VMAC: variants seen among roughly 807,000 people sequenced by gnomAD.
The protein encoded by VMAC is vimentin type intermediate filament associated coiled-coil protein.
Under a neutral mutation model 4.8 loss-of-function variants are expected in VMAC, and 8 were observed. The ratio of observed to expected loss-of-function variants is 1.68; its 90% CI spans 0.99 to 3.03. The LOEUF is 3.03. VMAC is among the 30% of genes most tolerant of loss of function. VMAC has a pLI of 0.00. For synonymous variants in VMAC, 96 were observed against 113.7 expected (o/e 0.84, Z 0.99); for missense variants, 248 against 245.1 (o/e 1.01, Z -0.08).
chr19:5,907,942 C>T (rs1351056671), intron 1 of VMAC, among the ~76,000 whole-genome samples: 1 of 152,164 alleles, frequency 6.6e-6, no homozygotes. Context: ...AATTACACCT[C>T]TTTATAAATC....
At position 5,909,144 on chromosome 19, in the gene VMAC, C is replaced by T; in HGVS notation, c.*2C>T. On this transcript the variant is annotated 3_prime_UTR_variant, in exon 2 of 2. Coordinates refer to ENST00000339485, the MANE Select transcript of VMAC (RefSeq NM_001017921.4). ...GCAGTGTTTGGGACCACAGTGTGAG[C>T]CCGGAATGCAGATTACAGAATGGAG... 3.3e-6 allele frequency: 5 copies of T among 1,534,132 alleles called. No homozygotes were observed. Among genetic ancestry groups the T allele is most frequent in the Non-Finnish European group, 4.4e-6 (5 of 1,147,268 alleles).
rs369149649 is a variant in VMAC at position 5,905,096 on chromosome 19, C to T, written c.191+15C>T. 1.5e-6 allele frequency: 2 copies of T among 1,337,592 alleles called. No individual in the cohort carries two copies. Among genetic ancestry groups the T allele is most frequent in the Non-Finnish European group, 1.9e-6 (2 of 1,048,986 alleles). The allele number at this position is 1,337,592 out of a possible 1,614,324, so 82.9% of individuals were successfully genotyped here. On this transcript the variant is annotated intron_variant, in intron 1 of 1. Coordinates refer to ENST00000339485, the MANE Select transcript of VMAC (RefSeq NM_001017921.4). ...GCCAAGGACCGGTGAGGCCCGGGGC[C>T]GGCCAGGTGGACTTCACCGAGGCGG...
At position 5,910,172 on chromosome 19, in the gene VMAC, G is replaced by T. The variant is rs988784213; in HGVS notation, c.*1030G>T. 7 of 152,386 alleles carry T rather than the reference G, an allele frequency of 4.6e-5. 1 individual carries two copies. In the South Asian group the frequency reaches 6.2e-4, roughly 14 times the overall value. 9.4% of individuals were successfully genotyped at this position (152,386 alleles called of 1,614,324 possible). ...TCTCCTCTGGATGAACAAGGAGGGGGGTTGTTTGTACAAAGGAAAGGCAGG... is the reference window on the plus strand; with the variant it reads ...TCTCCTCTGGATGAACAAGGAGGGGTGTTGTTTGTACAAAGGAAAGGCAGG... On this transcript the variant is annotated 3_prime_UTR_variant, in exon 2 of 2. Transcript: ENST00000339485.
chr19:5,906,304 G>A (rs2057678851), intron 1 of VMAC, among the ~76,000 whole-genome samples: 1 of 152,236 alleles, frequency 6.6e-6, no homozygotes, highest in African/African-American at 2.4e-5. Context: ...TCTGACAGCT[G>A]AGGATGAAAG....
Position 5,909,050 on chromosome 19 carries a change from C to T in VMAC, c.418C>T (p.Pro140Ser), listed in dbSNP as rs1354721809. ...LPASDPGHPP[P>S]GGPGPPLDNS... ...GGCCAGTGACCCCGGCCACCCACCC[C>T]CCGGTGGGCCTGGTCCACCCCTTGA... Residue 140 changes from proline (P) to serine (S), a missense_variant, in exon 2 of 2, where the codon CCC becomes TCC. Physicochemically the swap from Pro to Ser is moderately conservative, Grantham distance 74. Coordinates refer to ENST00000339485, the MANE Select transcript of VMAC (RefSeq NM_001017921.4). The T allele has an allele frequency of 1.3e-6, 2 of 1,565,930 alleles. No homozygotes were observed. The highest frequency in any genetic ancestry group is 2.4e-5 in the East Asian group (1 of 42,158).
chr19:5,906,206 G>C (rs532515838), intron 1 of VMAC, among the ~76,000 whole-genome samples: 3 of 152,200 alleles, frequency 2.0e-5, no homozygotes, highest in East Asian at 3.9e-4. Flanking sequence ...CTGGGCTCAA[G>C]TGATCCTCCT....
Position 5,909,507 on chromosome 19 carries a change from T to A in VMAC, c.*365T>A, listed in dbSNP as rs2057690757. 1.0e-5 allele frequency: 2 copies of A among 199,444 alleles called. No homozygotes were observed. Among genetic ancestry groups the A allele is most frequent in the Non-Finnish European group, 2.0e-5 (2 of 100,006 alleles). The allele number at this position is 199,444 out of a possible 1,614,324, so 12.4% of individuals were successfully genotyped here. A position where few individuals can be genotyped will look rare whatever the true frequency, so the allele number is the denominator to read the frequency against. Reference sequence around the variant, plus strand: ...TTGTTTTTTTTTTTTTAAGACAGAGTCCCACTCTGTCGCCCTGGCTGGGGT... The same window carrying A: ...TTGTTTTTTTTTTTTTAAGACAGAGACCCACTCTGTCGCCCTGGCTGGGGT... On this transcript the variant is annotated 3_prime_UTR_variant, in exon 2 of 2. Coordinates refer to ENST00000339485, the MANE Select transcript of VMAC (RefSeq NM_001017921.4).
Position 5,909,387 on chromosome 19 carries a change from AT to A in VMAC, c.*246del. On this transcript the variant is annotated 3_prime_UTR_variant, in exon 2 of 2. Transcript: ENST00000339485. ...AGTCACCCTTGCTAAAAACCTGGCA[AT>A]GCAAACACAAAGATCTGGATTTCTG... 1 of 477,354 alleles carries A rather than the reference AT, an allele frequency of 2.1e-6. No homozygotes were observed. The allele number at this position is 477,354 out of a possible 1,614,324, so 29.6% of individuals were successfully genotyped here. A position where few individuals can be genotyped will look rare whatever the true frequency, so the allele number is the denominator to read the frequency against.
chr19:5,905,190 G>C, intron 1 of VMAC, 109 bp downstream of exon 1: 1 of 1,150,520 alleles, frequency 8.7e-7, no homozygotes, highest in Non-Finnish European at 1.1e-6. Context: ...TTGTATAGAC[G>C]CTAGACTGAG....
Position 5,909,074 on chromosome 19 carries a change from G to T in VMAC, c.442G>T (p.Asp148Tyr). ...CCCCGGTGGGCCTGGTCCACCCCTT[G>T]ACAACAGCACTGGGGAAGAGGCGGA... ...PPPGGPGPPL[D>Y]NSTGEEADRD... The change falls in exon 2 of 2, where the codon GAC (aspartate) becomes TAC (tyrosine). Residue 148 changes from aspartate (D) to tyrosine (Y), a missense_variant. Physicochemically the swap from Asp to Tyr is radical, Grantham distance 160 (BLOSUM62 -3). Transcript: ENST00000339485. 1 of 1,560,722 alleles carries T rather than the reference G, an allele frequency of 6.4e-7. No individual in the cohort carries two copies. The highest frequency in any genetic ancestry group is 1.2e-5 in the South Asian group (1 of 86,402).
Position 5,908,307 on chromosome 19 carries a change from C to T in VMAC, c.192-517C>T, listed in dbSNP as rs1481430531. 4.6e-5 allele frequency among the ~76,000 whole-genome samples: 7 copies of T among 151,778 alleles called. No individual in the cohort carries two copies. Among genetic ancestry groups the T allele is most frequent in the East Asian group, 1.9e-4 (1 of 5,178 alleles). On this transcript the variant is annotated intron_variant, in intron 1 of 1. Coordinates refer to ENST00000339485, the MANE Select transcript of VMAC (RefSeq NM_001017921.4). This position sits in a 1 kb window ranked among gnomAD's most constrained non-coding sequence, Gnocchi z 4.5. ...CTGAACTCCAGCCTGGGCAACAGAG[C>T]GAGACTGTCTCAGAAATTATAATAA...
Position 5,905,032 on chromosome 19 carries a change from G to A in VMAC, c.142G>A (p.Asp48Asn). Residue 48 changes from aspartate to asparagine, a missense_variant, in exon 1 of 2, where the codon GAC (aspartate) becomes AAC (asparagine). By Grantham distance (23) the Asp-to-Asn change is conservative. Coordinates refer to ENST00000339485, the MANE Select transcript of VMAC (RefSeq NM_001017921.4). ...CCAAGCCGAGCGCCTGGCCCTCCAC[G>A]ACCAGCAGCTGCGCGCCGCCCTAGA... Reference protein sequence around the residue: ...HAQAERLALHDQQLRAALDEL... With the variant: ...HAQAERLALHNQQLRAALDEL... The A allele has an allele frequency of 7.2e-7, 1 of 1,388,798 alleles. No homozygotes were observed. Among genetic ancestry groups the A allele is most frequent in the Non-Finnish European group, 9.3e-7 (1 of 1,080,030 alleles). 86.0% of individuals were successfully genotyped at this position (1,388,798 alleles called of 1,614,324 possible). A position where few individuals can be genotyped will look rare whatever the true frequency, so the allele number is the denominator to read the frequency against.
chr19:5,910,693 CAACAACAACAA>C lies in VMAC; in HGVS notation c.*1552_*1562del, dbSNP rs2057694796. ...TCAAAGAAAACAACAACAACAACAA[CAACAACAACAA>C]CAACAACAAACAGAGGCCCAGAGGT... On this transcript the variant is annotated 3_prime_UTR_variant, in exon 2 of 2. Coordinates refer to ENST00000339485, the MANE Select transcript of VMAC (RefSeq NM_001017921.4). 1 of 151,274 alleles carries C rather than the reference CAACAACAACAA, an allele frequency of 6.6e-6. No homozygotes were observed. Among genetic ancestry groups the C allele is most frequent in the African/African-American group, 2.4e-5 (1 of 41,052 alleles). The allele number at this position is 151,274 out of a possible 1,614,324, so 9.4% of individuals were successfully genotyped here. A position where few individuals can be genotyped will look rare whatever the true frequency, so the allele number is the denominator to read the frequency against.
In VMAC at chr19:5,908,194, ATCAG is replaced by A; in HGVS notation, c.192-625_192-622del. Among the ~76,000 whole-genome samples the A allele has an allele frequency of 2.0e-5, 3 of 152,086 alleles. No homozygotes were observed. The South Asian group carries it at 6.2e-4, about 32-fold the overall frequency. On this transcript the variant is annotated intron_variant, in intron 1 of 1. Coordinates refer to ENST00000339485, the MANE Select transcript of VMAC (RefSeq NM_001017921.4). The surrounding 1 kb of genome is among the most constrained non-coding windows in gnomAD (Gnocchi z 4.5). ...CCTTGTCTCTACTAAAAATACAAAA[ATCAG>A]TCAGGCATGGTGGCGCATGCCTGTA... is the stretch of plus-strand genomic sequence containing the variant.
Position 5,908,871 on chromosome 19 carries a change from T to A in VMAC, c.239T>A (p.Val80Asp). 3.7e-6 allele frequency: 6 copies of A among 1,613,952 alleles called. No homozygotes were observed. The highest frequency in any genetic ancestry group is 5.1e-6 in the Non-Finnish European group (6 of 1,179,980). Residue 80 changes from valine to aspartate, a missense_variant, in exon 2 of 2, where the codon GTC becomes GAC. Val to Asp is a radical substitution (Grantham distance 152, BLOSUM62 -3). Transcript: ENST00000339485. This position sits in a 1 kb window ranked among gnomAD's most constrained non-coding sequence, Gnocchi z 4.5. ...QEQLMTSEAT[V>D]HSLQATVHQR... ...CAGCTGATGACCTCAGAAGCCACTG[T>A]CCACAGCCTGCAGGCCACCGTGCAC...
rs866110307 is a variant in VMAC, at chr19:5,908,237, G to A, written c.192-587G>A. Among the ~76,000 whole-genome samples the A allele has an allele frequency of 6.6e-6, 1 of 152,162 alleles. No homozygotes were observed. The highest frequency in any genetic ancestry group is 1.5e-5 in the Non-Finnish European group (1 of 68,044). ...CGCATGCCTGTAAACCCAGCTACTC[G>A]GGAGGTTGAGGAGGACAGTTTGAAC... On this transcript the variant is annotated intron_variant, in intron 1 of 1. Transcript: ENST00000339485. This position sits in a 1 kb window ranked among gnomAD's most constrained non-coding sequence, Gnocchi z 4.5.
In VMAC at chr19:5,905,043, G is replaced by A. The variant is rs772697355; in HGVS notation, c.153G>A (p.Leu51=). 99 of 1,380,270 alleles carry A rather than the reference G, an allele frequency of 7.2e-5. 1 individual carries two copies. Among genetic ancestry groups the A allele is most frequent in the Admixed American group, 3.8e-5 (1 of 26,160 alleles). 85.5% of individuals were successfully genotyped at this position (1,380,270 alleles called of 1,614,324 possible). Residue 51 remains leucine, a synonymous_variant, in exon 1 of 2, where the codon CTG becomes CTA. Coordinates refer to ENST00000339485, the MANE Select transcript of VMAC (RefSeq NM_001017921.4). ...AERLALHDQQ[L]RAALDELGRA... ...GCCTGGCCCTCCACGACCAGCAGCT[G>A]CGCGCCGCCCTAGACGAACTGGGTC... is the stretch of plus-strand genomic sequence containing the variant.
intron 1 of VMAC, among the ~76,000 whole-genome samples, chr19:5,905,407 T>C (rs2057674973): frequency 6.6e-6 from 1 of 152,144 alleles, no homozygotes; most frequent in South Asian, 2.1e-4. Context: ...TATCAGCATT[T>C]TAACTTTTAA....
intron 1 of VMAC, among the ~76,000 whole-genome samples, chr19:5,906,832 C>G (rs765464396): frequency 4.6e-5 from 7 of 152,104 alleles, no homozygotes; most frequent in Non-Finnish European, 8.8e-5. Flanking sequence ...CGAGACCAGC[C>G]TGGCCAACAT....
Sources: allele counts gnomAD v4.1 joint callset (sites outside exome capture counted in the v4.1 genomes callset), GRCh38; gene constraint gnomAD v4.1.1; non-coding constraint Gnocchi (gnomAD v3.1); transcripts MANE v1.5; gene names NCBI Gene and HGNC (gene_info 2026-07-23, HGNC 2026-07-21).